TSPEAR: variants seen among roughly 807,000 people sequenced by gnomAD.
TSPEAR encodes the protein thrombospondin type laminin G domain and EAR repeats.
In TSPEAR, 69 loss-of-function variants were observed where a neutral mutation model predicts 71.6. That is an observed-to-expected ratio of 0.96 (90% confidence interval 0.79 to 1.18). TSPEAR has a LOEUF of 1.18. Among genes scored for constraint, TSPEAR ranks in the 50% most tolerant of loss-of-function variants. The pLI, the probability that TSPEAR is intolerant of heterozygous loss-of-function variation, is 0.00. For missense variants in TSPEAR, 971 were observed against 894.9 expected, an observed-to-expected ratio of 1.09 and a Z score of -1.09; for synonymous variants, 402 against 387.2, an observed-to-expected ratio of 1.04 and a Z score of -0.45.
intron 1 of TSPEAR, chr21:44,666,851 T>C: frequency 6.2e-7 from 1 of 1,611,344 alleles, no homozygotes; most frequent in Non-Finnish European, 8.5e-7. Context: ...CGCAGCAGGC[T>C]GGCTGGCAGC....
intron 1 of TSPEAR, among the ~76,000 whole-genome samples, chr21:44,582,019 T>A (rs1010317045): frequency 1.3e-5 from 2 of 152,270 alleles, no homozygotes; most frequent in Non-Finnish European, 2.9e-5. Flanking sequence ...TCTTTGAATA[T>A]CCTTTCAGTG....
At chr21:44,589,651 A>T (rs1979621445) in intron 1 of TSPEAR, among the ~76,000 whole-genome samples, 1 of 151,352 alleles carries the variant, frequency 6.6e-6, no homozygotes, top group South Asian at 2.1e-4. Context: ...CAGAGGTGAG[A>T]CCCCCCCACC....
chr21:44,624,559 A>C (rs1203338617), intron 1 of TSPEAR, among the ~76,000 whole-genome samples: 1 of 152,254 alleles, frequency 6.6e-6, no homozygotes, highest in Non-Finnish European at 1.5e-5. Context: ...GGCTACAGGC[A>C]GATCATATGA....
intron 2 of TSPEAR, among the ~76,000 whole-genome samples, chr21:44,548,143 C>T (rs2053331481): frequency 1.3e-5 from 2 of 152,214 alleles, no homozygotes; most frequent in African/African-American, 2.4e-5. Context: ...ATAAGGCAAG[C>T]CCTGTGTGTT....
intron 3 of TSPEAR, 27 bp downstream of exon 3, chr21:44,533,658 G>C (rs998795944): frequency 4.5e-6 from 7 of 1,572,134 alleles, no homozygotes; most frequent in Non-Finnish European, 6.1e-6. Context: ...AGGACTGCAG[G>C]TGCACCCTCC....
chr21:44,702,490 C>G (rs966797602), intron 1 of TSPEAR: 14 of 1,608,618 alleles, frequency 8.7e-6, no homozygotes, highest in African/African-American at 1.3e-5. Context: ...CTGCTGCAAG[C>G]CTGTCTGTTG....
At chr21:44,568,161 T>G (rs1310001034) in intron 1 of TSPEAR, among the ~76,000 whole-genome samples, 156 bp from the exon 2 acceptor site, 9 of 152,120 alleles carry the variant, frequency 5.9e-5, no homozygotes, top group Admixed American at 5.2e-4. Context: ...GTTTCAGTGG[T>G]AAGGAAACAG....
At chr21:44,707,621 T>C (rs1188355578) in intron 1 of TSPEAR, among the ~76,000 whole-genome samples, 2 of 152,096 alleles carry the variant, frequency 1.3e-5, no homozygotes, top group African/African-American at 4.8e-5. Flanking sequence ...CCTTATAGTT[T>C]AGAATTTTAT....
Position 44,612,844 on chromosome 21 carries a change from C to T in TSPEAR, c.83-44839G>A, listed in dbSNP as rs587700731. ...GCCACCCGGCCTCCTGCCTGTCCTTCCTCTGCCGCCCCGCGTGCTCCCGCC... is the reference window on the plus strand; with the variant it reads ...GCCACCCGGCCTCCTGCCTGTCCTTTCTCTGCCGCCCCGCGTGCTCCCGCC... On this transcript the variant is annotated intron_variant, in intron 1 of 11. Coordinates refer to ENST00000323084, the MANE Select transcript of TSPEAR (RefSeq NM_144991.3). The surrounding 1 kb of genome is among the most constrained non-coding windows in gnomAD (Gnocchi z 4.1). The T allele has an allele frequency of 6.2e-7, 1 of 1,612,808 alleles. No individual in the cohort carries two copies. Among genetic ancestry groups the T allele is most frequent in the African/African-American group, 1.3e-5 (1 of 75,022 alleles).
intron 1 of TSPEAR, among the ~76,000 whole-genome samples, chr21:44,692,960 AC>A (rs1432218408): frequency 1.3e-5 from 2 of 152,200 alleles, no homozygotes; most frequent in Admixed American, 6.5e-5. Context: ...TTCAAAACGT[AC>A]TACAAAGCTA....
intron 1 of TSPEAR, among the ~76,000 whole-genome samples, chr21:44,675,278 A>G (rs1986255767): frequency 6.6e-6 from 1 of 152,206 alleles, no homozygotes; most frequent in South Asian, 2.1e-4. Context: ...AACATACACA[A>G]ATCAATAAAC....
chr21:44,525,242 TC>T (rs2052829853), intron 8 of TSPEAR, among the ~76,000 whole-genome samples: 1 of 152,152 alleles, frequency 6.6e-6, no homozygotes, highest in Admixed American at 6.5e-5. Context: ...AGGTAGTTAG[TC>T]ATGTAATTAG....
At chr21:44,528,976 G>A (rs1213633301) in intron 5 of TSPEAR, among the ~76,000 whole-genome samples, 4 of 152,186 alleles carry the variant, frequency 2.6e-5, no homozygotes, top group Middle Eastern at 3.2e-3. Flanking sequence ...AACCTGTGGC[G>A]GTTTGATCTC....
chr21:44,584,610 C>G (rs1413584826), intron 1 of TSPEAR, among the ~76,000 whole-genome samples: 1 of 150,782 alleles, frequency 6.6e-6, no homozygotes, highest in Non-Finnish European at 1.5e-5. Flanking sequence ...TCCTCTCTCC[C>G]TCTCTCTCTC....
chr21:44,528,597 C>G lies in TSPEAR; in HGVS notation c.791-14G>C, dbSNP rs199699551. 979 of 1,612,610 alleles carry G rather than the reference C, an allele frequency of 6.1e-4. No homozygotes were observed. Among genetic ancestry groups the G allele is most frequent in the Non-Finnish European group, 7.8e-4 (918 of 1,179,404 alleles). On this transcript the variant is annotated splice_polypyrimidine_tract_variant and intron_variant, in intron 5 of 11. Coordinates refer to ENST00000323084, the MANE Select transcript of TSPEAR (RefSeq NM_144991.3). ...GAATGTTGGTTTCTGAGGGGAAGAC[C>G]AGGAAGATGAGTTTCCAGCAAGCCA...
chr21:44,572,221 T>C (rs1266111643), intron 1 of TSPEAR, among the ~76,000 whole-genome samples: 4 of 152,062 alleles, frequency 2.6e-5, no homozygotes, highest in African/African-American at 7.2e-5. Context: ...CAAGGAGAGA[T>C]TGGGCAACCG....
intron 2 of TSPEAR, among the ~76,000 whole-genome samples, chr21:44,541,203 C>T (rs2053217195): frequency 6.6e-6 from 1 of 152,170 alleles, no homozygotes; most frequent in Admixed American, 6.5e-5. Context: ...ACTCAGTCTT[C>T]AAAGGCCTAA....
At chr21:44,572,971 G>A (rs781914306) in intron 1 of TSPEAR, among the ~76,000 whole-genome samples, 1 of 152,048 alleles carries the variant, frequency 6.6e-6, no homozygotes, top group African/African-American at 2.4e-5. Context: ...GCCCACAGGA[G>A]TGAGGGGAGC....
intron 1 of TSPEAR, among the ~76,000 whole-genome samples, chr21:44,597,502 G>A (rs149494443): frequency 0.018 from 2,754 of 149,312 alleles, 86 homozygotes; most frequent in African/African-American, 0.064. Flanking sequence ...GTGCGATCTC[G>A]GCTCACTGCA....
Sources: gnomAD v4.1 joint callset for allele counts (sites outside exome capture counted in the v4.1 genomes callset) on GRCh38, gnomAD v4.1.1 for gene constraint, Gnocchi (gnomAD v3.1) non-coding constraint, MANE v1.5 for transcripts, NCBI Gene and HGNC (gene_info 2026-07-23, HGNC 2026-07-21) for gene names.